The following ANKRD53 variants were observed in gnomAD, a reference collection of about 807,000 sequenced individuals.
ANKRD53 encodes ankyrin repeat domain 53.
ANKRD53 carries 27 observed loss-of-function variants against 30.1 expected under a neutral mutation model. The observed-to-expected ratio is 0.90, with a 90% CI of 0.66 to 1.24. ANKRD53 has a LOEUF of 1.24. Among genes scored for constraint, ANKRD53 ranks in the 50% most tolerant of loss-of-function variants. ANKRD53 has a pLI of 0.00. For missense variants in ANKRD53, 682 were observed against 721.0 expected, an observed-to-expected ratio of 0.95 and a Z score of 0.62; for synonymous variants, 286 against 295.4, an observed-to-expected ratio of 0.97 and a Z score of 0.33.
In ANKRD53 at chr2:70,979,855, C is replaced by T; in HGVS notation, c.612C>T (p.Leu204=). Residue 204 remains leucine (L), a synonymous_variant, in exon 3 of 6, where the codon CTC becomes CTT. Coordinates refer to ENST00000360589, the MANE Select transcript of ANKRD53 (RefSeq NM_001115116.2). ...IYYLLEKGAD[L]NAQTCNGSTP... is the part of the protein sequence containing the mutation. ...ACCTGCTGGAGAAAGGCGCAGACCT[C>T]AATGCGTGAGTCCAGCCTGCTTCAG... The T allele has an allele frequency of 6.2e-7, 1 of 1,614,224 alleles. No homozygotes were observed. Among genetic ancestry groups the T allele is most frequent in the Non-Finnish European group, 8.5e-7 (1 of 1,180,040 alleles).
chr2:70,985,110 T>C lies in ANKRD53; in HGVS notation c.1403T>C (p.Met468Thr). ...MLYPRVWPYR[M>T]KVPQGFYPIS... is the part of the protein sequence containing the mutation. ...TACCCACGTGTATGGCCATACAGAA[T>C]GAAGGTGCCCCAGGGCTTTTACCCC... is the stretch of plus-strand genomic sequence containing the variant. Residue 468 changes from methionine (M) to threonine (T), a missense_variant, in exon 6 of 6, where the codon ATG becomes ACG. Transcript: ENST00000360589. 6.4e-7 allele frequency: 1 copy of C among 1,551,088 alleles called. No homozygotes were observed. The highest frequency in any genetic ancestry group is 8.7e-7 in the Non-Finnish European group (1 of 1,146,996).
In ANKRD53 at chr2:70,978,840, G is replaced by A. The variant is rs367668585; in HGVS notation, c.170+25G>A. 17 of 1,548,296 alleles carry A rather than the reference G, an allele frequency of 1.1e-5. No homozygotes were observed. The African/African-American group carries it at 1.9e-4, about 18-fold the overall frequency. On this transcript the variant is annotated intron_variant, in intron 1 of 5. Transcript: ENST00000360589. The surrounding 1 kb of genome is among the most constrained non-coding windows in gnomAD (Gnocchi z 4.3). ...GGTGGGTAGCGGGAGAAGGTGTCCCGGCTGCAGGGAGCGAGAACCCGGCCC... is the reference window on the plus strand; with the variant it reads ...GGTGGGTAGCGGGAGAAGGTGTCCCAGCTGCAGGGAGCGAGAACCCGGCCC...
Position 70,980,803 on chromosome 2 carries a change from G to A in ANKRD53, c.617+943G>A, listed in dbSNP as rs553804273. On this transcript the variant is annotated intron_variant, in intron 3 of 5. Transcript: ENST00000360589. Reference sequence around the variant, plus strand: ...TACTAAAAATACAAAAAAGTTAACCGGGCGTAGTGGCGGGTGCCTGTTGTC... The same window carrying A: ...TACTAAAAATACAAAAAAGTTAACCAGGCGTAGTGGCGGGTGCCTGTTGTC... Among the ~76,000 whole-genome samples the A allele has an allele frequency of 3.0e-4, 45 of 151,358 alleles. No individual in the cohort carries two copies. The South Asian group carries it at 4.8e-3, about 16-fold the overall frequency.
In ANKRD53 at chr2:70,982,809, A is replaced by G; in HGVS notation, c.903+112A>G. On this transcript the variant is annotated intron_variant, in intron 5 of 5. Coordinates refer to ENST00000360589, the MANE Select transcript of ANKRD53 (RefSeq NM_001115116.2). The surrounding 1 kb of genome is among the most constrained non-coding windows in gnomAD (Gnocchi z 4.2). ...TGGCTAGAAGCACTCCCACCCTGAA[A>G]GAGCCACCCTTTCGCCTGTACTCCC... is the stretch of plus-strand genomic sequence containing the variant. 2 of 1,427,550 alleles carry G rather than the reference A, an allele frequency of 1.4e-6. No individual in the cohort carries two copies. The highest frequency in any genetic ancestry group is 1.9e-6 in the Non-Finnish European group (2 of 1,066,002). The allele number at this position is 1,427,550 out of a possible 1,614,324, so 88.4% of individuals were successfully genotyped here. A position where few individuals can be genotyped will look rare whatever the true frequency, so the allele number is the denominator to read the frequency against.
Position 70,982,755 on chromosome 2 carries a change from G to A in ANKRD53, c.903+58G>A. The stretch of plus-strand genomic sequence containing the variant: ...CTGCTATCCAGGCATGTGAGCAGAG[G>A]GGGCAGTGACCCACATATTGTGGAG... On this transcript the variant is annotated intron_variant, in intron 5 of 5. Coordinates refer to ENST00000360589, the MANE Select transcript of ANKRD53 (RefSeq NM_001115116.2). The surrounding 1 kb of genome is among the most constrained non-coding windows in gnomAD (Gnocchi z 4.2). 1 of 1,593,282 alleles carries A rather than the reference G, an allele frequency of 6.3e-7. No individual in the cohort carries two copies.
rs1670140152 is a variant in ANKRD53, at chr2:70,985,014, T to C, written c.1307T>C (p.Leu436Pro). The change falls in exon 6 of 6, where the codon CTG becomes CCG. Residue 436 changes from leucine (L) to proline (P), a missense_variant. Coordinates refer to ENST00000360589, the MANE Select transcript of ANKRD53 (RefSeq NM_001115116.2). ...VRPDGHGGAR[L>P]HTVDGHWVAP... is the part of the protein sequence containing the mutation. ...CCTGATGGGCACGGCGGTGCGCGGC[T>C]GCACACAGTGGACGGCCACTGGGTG... is the stretch of plus-strand genomic sequence containing the variant. The C allele has an allele frequency of 6.5e-7, 1 of 1,549,114 alleles. No individual in the cohort carries two copies. Among genetic ancestry groups the C allele is most frequent in the Non-Finnish European group, 8.7e-7 (1 of 1,146,570 alleles).
chr2:70,979,437 A>T, intron 2 of ANKRD53, 94 bp downstream of exon 2: 1 of 1,557,164 alleles, frequency 6.4e-7, no homozygotes, highest in Non-Finnish European at 8.7e-7. Flanking sequence ...TTTTCTGGGT[A>T]GATCTTCCTA....
Position 70,984,833 on chromosome 2 carries a change from A to T in ANKRD53, c.1126A>T (p.Arg376Trp). 6.4e-7 allele frequency: 1 copy of T among 1,552,388 alleles called. No homozygotes were observed. Among genetic ancestry groups the T allele is most frequent in the South Asian group, 1.2e-5 (1 of 84,222 alleles). ...QPTEMPKPIYRKPTVKRPTMW... is the reference protein window; with the variant it reads ...QPTEMPKPIYWKPTVKRPTMW... Reference sequence around the variant, plus strand: ...CACGGAGATGCCCAAGCCCATCTACAGGAAGCCCACGGTCAAGCGGCCCAC... The same window carrying T: ...CACGGAGATGCCCAAGCCCATCTACTGGAAGCCCACGGTCAAGCGGCCCAC... The change falls in exon 6 of 6, where the codon AGG (arginine) becomes TGG (tryptophan). Residue 376 changes from arginine to tryptophan, a missense_variant. Physicochemically the swap from Arg to Trp is moderately radical, Grantham distance 101 (BLOSUM62 -3). Coordinates refer to ENST00000360589, the MANE Select transcript of ANKRD53 (RefSeq NM_001115116.2).
At chr2:70,984,380 C>A in intron 5 of ANKRD53, 1 of 1,577,624 alleles carries the variant, frequency 6.3e-7, no homozygotes, top group Admixed American at 2.0e-5. Context: ...CTTTGTCTCC[C>A]CACTCAGCCC....
In ANKRD53 at chr2:70,981,944, G is replaced by A. The variant is rs1553423671; in HGVS notation, c.626G>A (p.Cys209Tyr). ...GGTGGGGCCTTCCACAGTCAGACAT[G>A]CAACGGCTCCACGCCCCTGCACCTG... ...EKGADLNAQTCNGSTPLHLAA... is the reference protein window; with the variant it reads ...EKGADLNAQTYNGSTPLHLAA... The change falls in exon 4 of 6, where the codon TGC becomes TAC. Residue 209 changes from cysteine to tyrosine, a missense_variant. Physicochemically the swap from Cys to Tyr is radical, Grantham distance 194 (BLOSUM62 -2). Coordinates refer to ENST00000360589, the MANE Select transcript of ANKRD53 (RefSeq NM_001115116.2). The A allele has an allele frequency of 1.3e-6, 2 of 1,583,788 alleles. No individual in the cohort carries two copies. Among genetic ancestry groups the A allele is most frequent in the South Asian group, 1.1e-5 (1 of 87,052 alleles).
At chr2:70,978,556 G>A (rs1260987861), upstream of ANKRD53, 2 of 1,366,424 alleles carry the variant, frequency 1.5e-6, no homozygotes, top group African/African-American at 3.1e-5. This position sits in a 1 kb window ranked among gnomAD's most constrained non-coding sequence, Gnocchi z 4.3. Context: ...GGGAAACCGC[G>A]GCCAGCTGGC....
Position 70,978,837 on chromosome 2 carries a change from C to G in ANKRD53, c.170+22C>G. ...CCAGGTGGGTAGCGGGAGAAGGTGT[C>G]CCGGCTGCAGGGAGCGAGAACCCGG... On this transcript the variant is annotated intron_variant, in intron 1 of 5. Transcript: ENST00000360589. This position sits in a 1 kb window ranked among gnomAD's most constrained non-coding sequence, Gnocchi z 4.3. 1 of 1,550,006 alleles carries G rather than the reference C, an allele frequency of 6.5e-7. No individual in the cohort carries two copies. The highest frequency in any genetic ancestry group is 8.7e-7 in the Non-Finnish European group (1 of 1,147,786).
At position 70,982,591 on chromosome 2, in the gene ANKRD53, C is replaced by T. The variant is rs1553423818; in HGVS notation, c.797C>T (p.Ala266Val). The change falls in exon 5 of 6, where the codon GCC (alanine) becomes GTC (valine). Residue 266 changes from alanine to valine, a missense_variant. Coordinates refer to ENST00000360589, the MANE Select transcript of ANKRD53 (RefSeq NM_001115116.2). The surrounding 1 kb of genome is among the most constrained non-coding windows in gnomAD (Gnocchi z 4.2). ...CTTGGCACCAGGTTCTTGAAGGATG[C>T]CATGTGGAAAAAGGACAAGAAGGAC... ...HRACARFLKD[A>V]MWKKDKKDFA... 5.0e-6 allele frequency: 8 copies of T among 1,613,998 alleles called. No individual in the cohort carries two copies. The highest frequency in any genetic ancestry group is 5.1e-6 in the Non-Finnish European group (6 of 1,179,934).
In ANKRD53 at chr2:70,978,870, C is replaced by G. The variant is rs1669908169; in HGVS notation, c.170+55C>G. 1 of 1,525,022 alleles carries G rather than the reference C, an allele frequency of 6.6e-7. No homozygotes were observed. The highest frequency in any genetic ancestry group is 8.8e-7 in the Non-Finnish European group (1 of 1,134,684). The allele number at this position is 1,525,022 out of a possible 1,614,324, so 94.5% of individuals were successfully genotyped here. A position where few individuals can be genotyped will look rare whatever the true frequency, so the allele number is the denominator to read the frequency against. ...CAGGGAGCGAGAACCCGGCCCAGCG[C>G]CTCCCTGGTGGGCAGGGCCTGGAGC... is the stretch of plus-strand genomic sequence containing the variant. On this transcript the variant is annotated intron_variant, in intron 1 of 5. Coordinates refer to ENST00000360589, the MANE Select transcript of ANKRD53 (RefSeq NM_001115116.2). This position sits in a 1 kb window ranked among gnomAD's most constrained non-coding sequence, Gnocchi z 4.3.
At chr2:70,983,817 A>G (rs1421809420) in intron 5 of ANKRD53, among the ~76,000 whole-genome samples, 3 of 152,220 alleles carry the variant, frequency 2.0e-5, no homozygotes, top group Non-Finnish European at 2.9e-5. Context: ...GGTCTGGGGC[A>G]AGGTCTGATG....
In ANKRD53 at chr2:70,978,914, C is replaced by T; in HGVS notation, c.170+99C>T. 3 of 1,454,100 alleles carry T rather than the reference C, an allele frequency of 2.1e-6. No individual in the cohort carries two copies. The highest frequency in any genetic ancestry group is 2.7e-6 in the Non-Finnish European group (3 of 1,100,056). 90.1% of individuals were successfully genotyped at this position (1,454,100 alleles called of 1,614,324 possible). ...CTGGAGCGGGCGGGGGCGGAGGCTG[C>T]GGCCCGAGAAGCCAGCAGAGACAGG... On this transcript the variant is annotated intron_variant, in intron 1 of 5. Transcript: ENST00000360589. This position sits in a 1 kb window ranked among gnomAD's most constrained non-coding sequence, Gnocchi z 4.3.
At position 70,979,798 on chromosome 2, in the gene ANKRD53, C is replaced by A. The variant is rs782129560; in HGVS notation, c.555C>A (p.Asp185Glu). ...QTPLHLVIHR[D>E]NTTVALPCIY... ...CCCTGCACCTCGTCATCCACAGGGA[C>A]AACACCACCGTGGCCCTCCCCTGCA... Residue 185 changes from aspartate to glutamate, a missense_variant, in exon 3 of 6, where the codon GAC (aspartate) becomes GAA (glutamate). Coordinates refer to ENST00000360589, the MANE Select transcript of ANKRD53 (RefSeq NM_001115116.2). 6.2e-7 allele frequency: 1 copy of A among 1,614,264 alleles called. No homozygotes were observed. Among genetic ancestry groups the A allele is most frequent in the Non-Finnish European group, 8.5e-7 (1 of 1,180,052 alleles).
At chr2:70,981,814 G>A in intron 3 of ANKRD53, 122 bp from the exon 4 acceptor site, 4 of 1,096,176 alleles carry the variant, frequency 3.6e-6, no homozygotes, top group Non-Finnish European at 5.0e-6. Flanking sequence ...GACATAGCTA[G>A]GATCACCCAG....
In ANKRD53 at chr2:70,978,704, G is replaced by A; in HGVS notation, c.59G>A (p.Arg20Lys). 1.3e-6 allele frequency: 2 copies of A among 1,547,942 alleles called. No individual in the cohort carries two copies. Among genetic ancestry groups the A allele is most frequent in the Non-Finnish European group, 1.7e-6 (2 of 1,146,310 alleles). The change falls in exon 1 of 6, where the codon AGG becomes AAG. Residue 20 changes from arginine to lysine, a missense_variant. Arg to Lys is a conservative substitution (Grantham distance 26). Coordinates refer to ENST00000360589, the MANE Select transcript of ANKRD53 (RefSeq NM_001115116.2). The surrounding 1 kb of genome is among the most constrained non-coding windows in gnomAD (Gnocchi z 4.3). ...RAGSGSWHSE[R>K]GEGRGARPQP... The stretch of plus-strand genomic sequence containing the variant: ...GGCTCCGGAAGCTGGCACTCAGAAA[G>A]GGGAGAAGGGAGAGGTGCTCGGCCG...
Sources: allele counts gnomAD v4.1 joint callset (sites outside exome capture counted in the v4.1 genomes callset), GRCh38; gene constraint gnomAD v4.1.1; non-coding constraint Gnocchi (gnomAD v3.1); transcripts MANE v1.5; gene names NCBI Gene and HGNC (gene_info 2026-07-23, HGNC 2026-07-21).